The following FREM1 variants were observed in gnomAD, a reference collection of about 807,000 sequenced individuals.
FREM1 encodes FRAS1-related extracellular matrix protein 1.
FREM1 carries 220 observed loss-of-function variants against 210.1 expected under a neutral mutation model. The ratio of observed to expected loss-of-function variants is 1.05; its 90% CI spans 0.94 to 1.17. The LOEUF is 1.17. Ranked by LOEUF, FREM1 falls within the 50% of genes most tolerant of loss-of-function variation. The pLI, the probability that FREM1 is intolerant of heterozygous loss-of-function variation, is 0.00. For missense variants in FREM1, 3,454 were observed against 2,675.5 expected (o/e 1.29, Z -6.42); for synonymous variants, 1,189 against 980.2 (o/e 1.21, Z -3.98).
chr9:14,841,530 G>A lies in FREM1; in HGVS notation c.1798C>T (p.His600Tyr). 6.2e-7 allele frequency: 1 copy of A among 1,612,196 alleles called. No homozygotes were observed. Among genetic ancestry groups the A allele is most frequent in the Non-Finnish European group, 8.5e-7 (1 of 1,178,614 alleles). The stretch of plus-strand genomic sequence containing the variant: ...TCTTCAAAGATTTCTCCACCAAAAT[G>A]ACGATAATAAATGATTCCATTAAAC... ...DLFNGIIYYRHFGGEIFEDSF... is the reference protein window; with the variant it reads ...DLFNGIIYYRYFGGEIFEDSF... Residue 600 changes from histidine (H) to tyrosine (Y), a missense_variant, in exon 10 of 37, where the codon CAT becomes TAT. By Grantham distance (83) the His-to-Tyr change is moderately conservative (BLOSUM62 2). Transcript: ENST00000380880.
intron 30 of FREM1, among the ~76,000 whole-genome samples, chr9:14,749,811 C>A (rs1290941632): frequency 6.6e-6 from 1 of 152,120 alleles, no homozygotes; most frequent in Non-Finnish European, 1.5e-5. Context: ...AATTATAGCT[C>A]TACAGACTCT....
At chr9:14,853,092 CA>C (rs1408069766) in intron 5 of FREM1, among the ~76,000 whole-genome samples, 3 of 152,156 alleles carry the variant, frequency 2.0e-5, no homozygotes, top group Non-Finnish European at 4.4e-5. Flanking sequence ...TGGCACGGAG[CA>C]GGAAGAGCAG....
chr9:14,794,285 GC>G (rs201101569), intron 21 of FREM1, among the ~76,000 whole-genome samples: 4,666 of 152,210 alleles, frequency 0.031, 94 homozygotes, highest in Non-Finnish European at 0.037. Flanking sequence ...GGGAATTGGG[GC>G]TCAATCCTGC....
intron 1 of FREM1, among the ~76,000 whole-genome samples, chr9:14,876,936 T>C (rs540356599): frequency 6.6e-6 from 1 of 152,278 alleles, no homozygotes; most frequent in East Asian, 1.9e-4. Flanking sequence ...AGAAGATAGG[T>C]AGATGTCTCC....
At chr9:14,762,193 GA>G (rs892822671) in intron 27 of FREM1, among the ~76,000 whole-genome samples, 3 of 149,290 alleles carry the variant, frequency 2.0e-5, no homozygotes, top group Admixed American at 6.6e-5. Flanking sequence ...GAATGAGAAA[GA>G]AAAAAAAAGT....
intron 1 of FREM1, among the ~76,000 whole-genome samples, chr9:14,909,553 T>C (rs934149943): frequency 6.6e-6 from 1 of 152,264 alleles, no homozygotes; most frequent in African/African-American, 2.4e-5. Context: ...CTGTTCATTT[T>C]TGTGTCTTTT....
intron 2 of FREM1, among the ~76,000 whole-genome samples, chr9:14,866,882 CAG>C (rs963036955): frequency 4.0e-5 from 6 of 151,396 alleles, no homozygotes; most frequent in Non-Finnish European, 8.8e-5. Context: ...TTTTTTCAGA[CAG>C]AGTCTCACAC....
chr9:14,746,922 C>T lies in FREM1; in HGVS notation c.6138+1G>A. On this transcript the variant is annotated splice_donor_variant, in intron 34 of 36. Coordinates refer to ENST00000380880, the MANE Select transcript of FREM1 (RefSeq NM_001379081.2). LOFTEE classifies it high-confidence loss of function. ...GCTTGGCTGCTCAGCCTGCCTCCTA[C>T]CTTGGTTTGGGGACTCCAGGCTTTC... 6.2e-7 allele frequency: 1 copy of T among 1,612,516 alleles called. No individual in the cohort carries two copies. The highest frequency in any genetic ancestry group is 1.8e-4 in the Middle Eastern group (1 of 5,696).
chr9:14,796,035 AT>A (rs1243581514), intron 21 of FREM1, among the ~76,000 whole-genome samples: 1 of 152,206 alleles, frequency 6.6e-6, no homozygotes, highest in Non-Finnish European at 1.5e-5. Flanking sequence ...GAAAATAGAA[AT>A]TTTTTGGTGA....
rs1365650382 is a variant in FREM1 at position 14,819,301 on chromosome 9, G to T, written c.2479C>A (p.Leu827Met). 1 of 1,613,934 alleles carries T rather than the reference G, an allele frequency of 6.2e-7. No homozygotes were observed. The highest frequency in any genetic ancestry group is 1.7e-5 in the Admixed American group (1 of 60,000). ...CCTGAATTTAGAGGAAATCCATTCAGCTCCACCCTTCCGTGCAGAGGCAAT... is the reference window on the plus strand; with the variant it reads ...CCTGAATTTAGAGGAAATCCATTCATCTCCACCCTTCCGTGCAGAGGCAAT... The part of the protein sequence containing the change: ...RELPLHGRVE[L>M]NGFPLNSGGT... Residue 827 changes from leucine to methionine, a missense_variant, in exon 14 of 37, where the codon CTG becomes ATG. Leu to Met is a conservative substitution (Grantham distance 15). Coordinates refer to ENST00000380880, the MANE Select transcript of FREM1 (RefSeq NM_001379081.2).
At position 14,770,294 on chromosome 9, in the gene FREM1, A is replaced by G. The variant is rs1426599352; in HGVS notation, c.5059+311T>C. Among the ~76,000 whole-genome samples the G allele has an allele frequency of 3.3e-5, 5 of 152,222 alleles. No homozygotes were observed. The East Asian group carries it at 9.6e-4, about 29-fold the overall frequency. On this transcript the variant is annotated intron_variant, in intron 26 of 36. Transcript: ENST00000380880. ...AGTCATTTAGAATTCATGACAGAATAAAAAATTAGTCACAAATAGGAAATT... is the reference window on the plus strand; with the variant it reads ...AGTCATTTAGAATTCATGACAGAATGAAAAATTAGTCACAAATAGGAAATT...
chr9:14,872,133 A>G (rs1318979513), intron 1 of FREM1, among the ~76,000 whole-genome samples: 1 of 152,214 alleles, frequency 6.6e-6, no homozygotes, highest in Non-Finnish European at 1.5e-5. Context: ...TTGGCTTAGG[A>G]TTGACTTGGC....
intron 11 of FREM1, among the ~76,000 whole-genome samples, chr9:14,824,395 C>T (rs1211320578): frequency 4.6e-5 from 7 of 152,094 alleles, no homozygotes; most frequent in African/African-American, 9.7e-5. Context: ...CTCATGCATA[C>T]GATACTAGCA....
intron 1 of FREM1, among the ~76,000 whole-genome samples, chr9:14,888,796 A>T (rs147518645): frequency 0.012 from 1,888 of 152,320 alleles, 40 homozygotes; most frequent in African/African-American, 0.042. Flanking sequence ...TTTAGAAATC[A>T]TCGAGGCCAT....
In FREM1 at chr9:14,804,316, T is replaced by C. The variant is rs200542030; in HGVS notation, c.3471+640A>G. Among the ~76,000 whole-genome samples, 4 of 152,226 alleles carry C rather than the reference T, an allele frequency of 2.6e-5. 1 individual carries two copies. The East Asian group carries it at 7.7e-4, about 29-fold the overall frequency. ...CCATGACAACTTTGGCTGGGTGCGG[T>C]GGCTCATGCCTGTAATCCCAGCACT... On this transcript the variant is annotated intron_variant, in intron 19 of 36. Transcript: ENST00000380880.
chr9:14,793,634 C>A (rs1563942615), intron 21 of FREM1, among the ~76,000 whole-genome samples: 1 of 152,146 alleles, frequency 6.6e-6, no homozygotes, highest in African/African-American at 2.4e-5. Flanking sequence ...CTCTTTCCAC[C>A]AGGGTTTCTA....
chr9:14,887,084 T>A (rs1303605783), intron 1 of FREM1, among the ~76,000 whole-genome samples: 1 of 152,116 alleles, frequency 6.6e-6, no homozygotes, highest in African/African-American at 2.4e-5. Flanking sequence ...CCAAATCACA[T>A]GTGCCATAAA....
chr9:14,876,638 G>C (rs915401501), intron 1 of FREM1, among the ~76,000 whole-genome samples: 2 of 152,134 alleles, frequency 1.3e-5, no homozygotes, highest in African/African-American at 4.8e-5. Flanking sequence ...TCCCAAGTGA[G>C]GCAATGCCTC....
intron 1 of FREM1, among the ~76,000 whole-genome samples, chr9:14,872,414 T>G (rs1269448012): frequency 6.6e-6 from 1 of 152,224 alleles, no homozygotes; most frequent in Admixed American, 6.5e-5. Context: ...CTAGGCATTT[T>G]ATCCTCTTTG....
Sources: allele counts gnomAD v4.1 joint callset (sites outside exome capture counted in the v4.1 genomes callset), GRCh38; gene constraint gnomAD v4.1.1; transcripts MANE v1.5; gene names NCBI Gene and HGNC (gene_info 2026-07-23, HGNC 2026-07-21).